NEBL: variants seen among roughly 807,000 people sequenced by gnomAD.
NEBL encodes LIM and SH3 protein 2.
In NEBL, 122 loss-of-function variants were observed where a neutral mutation model predicts 140.2. The observed-to-expected ratio is 0.87, with a 90% confidence interval of 0.75 to 1.01. NEBL has a LOEUF of 1.01. Ranked by LOEUF, NEBL falls within the 50% of genes least tolerant of loss-of-function variation. NEBL has a pLI of 0.00. For synonymous variants in NEBL, 436 were observed against 398.9 expected (o/e 1.09, Z -1.11); for missense variants, 1,365 against 1,231.3 (o/e 1.11, Z -1.62).
chr10:21,210,013 A>G (rs1468785186), intron 3 of NEBL, among the ~76,000 whole-genome samples: 4 of 152,104 alleles, frequency 2.6e-5, no homozygotes, highest in African/African-American at 7.2e-5. Context: ...TAAAGCCCCA[A>G]TTGCTCAATA....
chr10:21,047,475 T>C (rs923718946), intron 2 of NEBL, among the ~76,000 whole-genome samples: 8 of 152,124 alleles, frequency 5.3e-5, no homozygotes, highest in African/African-American at 1.9e-4. Context: ...CTCACATTTC[T>C]CCTAAACACA....
Position 20,808,599 on chromosome 10 carries a change from G to T in NEBL, c.2672C>A (p.Thr891Lys). The change falls in exon 26 of 28, where the codon ACA (threonine) becomes AAA (lysine). Residue 891 changes from threonine to lysine, a missense_variant. Transcript: ENST00000377122. ...SRSHSSSTFG[T>K]GLGDDRSEIS... ...TTCTGACCTGTCGTCTCCGAGACCT[G>T]TACCGAAAGTACTGCTGGAATGGGA... 6.2e-7 allele frequency: 1 copy of T among 1,613,314 alleles called. No homozygotes were observed. Among genetic ancestry groups the T allele is most frequent in the Non-Finnish European group, 8.5e-7 (1 of 1,179,330 alleles).
chr10:21,217,505 A>C (rs1373729508), intron 3 of NEBL, among the ~76,000 whole-genome samples: 1 of 152,210 alleles, frequency 6.6e-6, no homozygotes, highest in East Asian at 1.9e-4. Context: ...CTGGCTTCCA[A>C]TAATTTGAAA....
In NEBL at chr10:21,267,182, G is replaced by A. The variant is rs575055703; in HGVS notation, n.183-15354C>T. On this transcript the variant is annotated intron_variant and non_coding_transcript_variant, in intron 1 of 8. Transcript: ENST00000675702. ...ATAAAGATGGGGTTTCACCACATTGGCCAGGCCAGTCTCAAACTCCTGACC... is the reference window on the plus strand; with the variant it reads ...ATAAAGATGGGGTTTCACCACATTGACCAGGCCAGTCTCAAACTCCTGACC... Among the ~76,000 whole-genome samples, 386 of 152,116 alleles carry A rather than the reference G, an allele frequency of 2.5e-3. 1 individual carries two copies. Among genetic ancestry groups the A allele is most frequent in the Non-Finnish European group, 2.7e-3 (185 of 67,978 alleles).
chr10:21,256,954 T>C (rs1416861257), intron 1 of NEBL, among the ~76,000 whole-genome samples: 3 of 152,254 alleles, frequency 2.0e-5, no homozygotes, highest in African/African-American at 7.2e-5. Context: ...AAATACCATA[T>C]AATGGTGGGC....
chr10:20,812,791 G>C lies in NEBL; in HGVS notation c.2496C>G (p.Asp832Glu). ...KGVHPHIVEM[D>E]RRPGIIVDLK... ...TACCAACAATGATTCCAGGTCTCCTGTCCATCTCCACGATGTGAGGGTGGA... is the reference window on the plus strand; with the variant it reads ...TACCAACAATGATTCCAGGTCTCCTCTCCATCTCCACGATGTGAGGGTGGA... The change falls in exon 24 of 28, where the codon GAC becomes GAG. Residue 832 changes from aspartate (D) to glutamate (E), a missense_variant. Asp to Glu is a conservative substitution (Grantham distance 45). This residue lies in a region of NEBL where 1,323 missense variants were observed against 1,154.8 expected (regional missense o/e 1.15). Coordinates refer to ENST00000377122, the MANE Select transcript of NEBL (RefSeq NM_006393.3). The C allele has an allele frequency of 6.2e-7, 1 of 1,613,938 alleles. No homozygotes were observed.
chr10:21,063,073 G>A (rs1835372341), intron 2 of NEBL, among the ~76,000 whole-genome samples: 1 of 152,084 alleles, frequency 6.6e-6, no homozygotes, highest in East Asian at 1.9e-4. Context: ...TTATATGAAG[G>A]CCAAAGTGAT....
At chr10:21,113,017 C>A (rs1310605652) in intron 2 of NEBL, 2 of 232,502 alleles carry the variant, frequency 8.6e-6, no homozygotes. Context: ...TGCTGCCACT[C>A]CTGAAGAAGA....
chr10:20,993,770 A>G (rs1345215303), intron 3 of NEBL, among the ~76,000 whole-genome samples: 1 of 152,222 alleles, frequency 6.6e-6, no homozygotes, highest in East Asian at 1.9e-4. Flanking sequence ...AGATGTGGGC[A>G]TACGATTCAA....
At chr10:21,188,147 G>A (rs1841507494) in intron 3 of NEBL, among the ~76,000 whole-genome samples, 1 of 152,014 alleles carries the variant, frequency 6.6e-6, no homozygotes, top group South Asian at 2.1e-4. Flanking sequence ...CTAATTTTGG[G>A]GTCAGTGGTT....
At chr10:20,807,094 G>T (rs987263154) in intron 26 of NEBL, among the ~76,000 whole-genome samples, 1 of 152,208 alleles carries the variant, frequency 6.6e-6, no homozygotes, top group Non-Finnish European at 1.5e-5. Flanking sequence ...GGAGGCTGAG[G>T]TGGGTGGATC....
chr10:20,918,057 G>A (rs1015983460), intron 4 of NEBL, among the ~76,000 whole-genome samples: 1 of 152,128 alleles, frequency 6.6e-6, no homozygotes, highest in East Asian at 1.9e-4. Flanking sequence ...AAACACACAG[G>A]AGTTAGAATC....
intron 2 of NEBL, among the ~76,000 whole-genome samples, chr10:21,044,755 T>C (rs1834437270): frequency 6.6e-6 from 1 of 152,170 alleles, no homozygotes; most frequent in Non-Finnish European, 1.5e-5. Context: ...TTCTCCATAA[T>C]ACTGCATGAT....
intron 4 of NEBL, among the ~76,000 whole-genome samples, chr10:20,913,524 C>A (rs1473286310): frequency 6.6e-6 from 1 of 152,082 alleles, no homozygotes. Flanking sequence ...TTTTAAACAT[C>A]TTTGATATAT....
At chr10:21,115,005 TAA>T (rs1838215367) in intron 2 of NEBL, among the ~76,000 whole-genome samples, 1 of 152,058 alleles carries the variant, frequency 6.6e-6, no homozygotes, top group Admixed American at 6.6e-5. Flanking sequence ...TCTTTTTAAT[TAA>T]GTGTTTTTTA....
intron 3 of NEBL, among the ~76,000 whole-genome samples, chr10:21,009,092 C>A (rs1311983678): frequency 1.3e-5 from 2 of 152,020 alleles, no homozygotes; most frequent in African/African-American, 2.4e-5. Flanking sequence ...TGTTCTCTGT[C>A]CAATAGCAGA....
chr10:21,126,927 A>G (rs955942210), intron 2 of NEBL, among the ~76,000 whole-genome samples: 1 of 148,132 alleles, frequency 6.8e-6, no homozygotes, highest in Non-Finnish European at 1.5e-5. Flanking sequence ...GTGAGCAGAG[A>G]TCGAGCCACT....
intron 4 of NEBL, 106 bp downstream of exon 4, chr10:20,887,991 G>T: frequency 1.3e-6 from 1 of 789,098 alleles, no homozygotes. Context: ...ACTTTCATTT[G>T]GTATTTAACA....
At chr10:20,934,737 G>A (rs766421913) in intron 4 of NEBL, among the ~76,000 whole-genome samples, 5 of 152,162 alleles carry the variant, frequency 3.3e-5, no homozygotes, top group Admixed American at 6.5e-5. Flanking sequence ...TAGTGTCAGA[G>A]TAAAATAAAC....
Sources: allele counts gnomAD v4.1 joint callset (sites outside exome capture counted in the v4.1 genomes callset), GRCh38; gene constraint gnomAD v4.1.1; regional missense constraint gnomAD v4.1.1; transcripts MANE v1.5; gene names NCBI Gene and HGNC (gene_info 2026-07-23, HGNC 2026-07-21).